The following CALM2 variants were observed in gnomAD, a reference collection of about 807,000 sequenced individuals.
CALM2 encodes the protein calmodulin-2.
A neutral mutation model predicts 19.8 loss-of-function variants in CALM2; 2 were observed. The observed-to-expected ratio is 0.10, with a 90% confidence interval of 0.04 to 0.32. The LOEUF (loss-of-function observed/expected upper bound fraction) is 0.32. CALM2 is among the 10% of genes least tolerant of loss of function. CALM2 has a pLI of 1.00. For missense variants in CALM2, 38 were observed against 178.7 expected (o/e 0.21, Z 4.49); for synonymous variants, 51 against 52.1 (o/e 0.98, Z 0.09).
chr2:47,161,160 CTCTTT>C lies in CALM2; in HGVS notation c.422-361_422-357del, dbSNP rs560575896. Among the ~76,000 whole-genome samples the C allele has an allele frequency of 3.2e-4, 49 of 152,206 alleles. 1 individual carries two copies. In the South Asian group the frequency reaches 9.5e-3, roughly 30 times the overall value. Reference sequence around the variant, plus strand: ...AATTTTTATAACATTACATTTTATGCTCTTTTCTAAGTTAAGTAGTTACATCATGA... The same window carrying C: ...AATTTTTATAACATTACATTTTATGCTCTAAGTTAAGTAGTTACATCATGA... On this transcript the variant is annotated intron_variant, in intron 5 of 5. Coordinates refer to ENST00000272298, the MANE Select transcript of CALM2 (RefSeq NM_001743.6).
chr2:47,162,775 A>T (rs1210252610), intron 2 of CALM2, 113 bp from the exon 3 acceptor site: 4 of 875,594 alleles, frequency 4.6e-6, no homozygotes, highest in Non-Finnish European at 5.1e-6. Context: ...GCCAGTGAAC[A>T]GCCACTGCAC....
intron 2 of CALM2, among the ~76,000 whole-genome samples, chr2:47,169,937 G>C (rs1042503969): frequency 7.1e-6 from 1 of 140,464 alleles, no homozygotes; most frequent in Non-Finnish European, 1.5e-5. Context: ...CAAAGGAATA[G>C]TTTGCAAAGC....
intron 1 of CALM2, among the ~76,000 whole-genome samples, chr2:47,175,686 CCCCCGCCCAT>C (rs1257296171): frequency 6.6e-6 from 1 of 151,008 alleles, no homozygotes; most frequent in Non-Finnish European, 1.5e-5. Context: ...AGGCCCCCCT[CCCCCGCCCAT>C]CCCCGCCAAT....
At chr2:47,162,744 C>G in intron 2 of CALM2, 82 bp from the exon 3 acceptor site, 2 of 1,180,396 alleles carry the variant, frequency 1.7e-6, no homozygotes, top group Non-Finnish European at 1.2e-6. Context: ...ACTCTTAAAG[C>G]CTACTCAGTG....
chr2:47,164,194 C>T (rs1418384246), intron 2 of CALM2, among the ~76,000 whole-genome samples: 31 of 148,086 alleles, frequency 2.1e-4, no homozygotes, highest in Non-Finnish European at 3.7e-4. Context: ...GCTGATATTG[C>T]GCCACTGCAC....
Position 47,160,223 on chromosome 2 carries a change from G to A in CALM2, c.*553C>T, listed in dbSNP as rs1303031863. On this transcript the variant is annotated 3_prime_UTR_variant, in exon 6 of 6. Coordinates refer to ENST00000272298, the MANE Select transcript of CALM2 (RefSeq NM_001743.6). ...ATATACAACTTGGAATGGATTTTGA[G>A]GCAAATTGTGCCATAAGCAGATTTT... 1 of 152,582 alleles carries A rather than the reference G, an allele frequency of 6.6e-6. No homozygotes were observed. The highest frequency in any genetic ancestry group is 1.9e-4 in the East Asian group (1 of 5,192). 9.5% of individuals were successfully genotyped at this position (152,582 alleles called of 1,614,324 possible).
chr2:47,160,920 C>G (rs1687136173), intron 5 of CALM2, 116 bp from the exon 6 acceptor site: 1 of 610,722 alleles, frequency 1.6e-6, no homozygotes, highest in African/African-American at 1.9e-5. Context: ...CCTCTCTTTC[C>G]TCAGAATTAC....
chr2:47,172,518 A>G, intron 1 of CALM2: 2 of 1,202,326 alleles, frequency 1.7e-6, no homozygotes, highest in Non-Finnish European at 1.1e-6. Context: ...CTACAATGTT[A>G]AATATCAACC....
At chr2:47,174,805 C>A (rs1256484100) in intron 1 of CALM2, among the ~76,000 whole-genome samples, 1 of 152,036 alleles carries the variant, frequency 6.6e-6, no homozygotes, top group African/African-American at 2.4e-5. Flanking sequence ...ATGCCTGTAA[C>A]TACATCTTTA....
intron 2 of CALM2, 74 bp downstream of exon 2, chr2:47,170,660 T>C: frequency 9.2e-7 from 1 of 1,089,966 alleles, no homozygotes; most frequent in Admixed American, 1.7e-5. Context: ...TTCATACAAG[T>C]CTCTTATTCT....
At chr2:47,160,850 C>CAAAAAAAAAAAAAAAAAAAAAAAACA in intron 5 of CALM2, 46 bp from the exon 6 acceptor site, 1 of 370,250 alleles carries the variant, frequency 2.7e-6, no homozygotes, top group East Asian at 4.0e-5. Flanking sequence ...AGCAAAAGAC[C>CAAAAAAAAAAAAAAAAAAAAAAAACA]AAAAAAAAAA....
Position 47,160,491 on chromosome 2 carries a change from G to T in CALM2, c.*285C>A. ...ACTTTAAAAAAGGCATAACCCAGATGTTCCCTCATTTGACCAACTCCATCT... is the reference window on the plus strand; with the variant it reads ...ACTTTAAAAAAGGCATAACCCAGATTTTCCCTCATTTGACCAACTCCATCT... On this transcript the variant is annotated 3_prime_UTR_variant, in exon 6 of 6. Coordinates refer to ENST00000272298, the MANE Select transcript of CALM2 (RefSeq NM_001743.6). 1 of 302,104 alleles carries T rather than the reference G, an allele frequency of 3.3e-6. No homozygotes were observed. The highest frequency in any genetic ancestry group is 6.1e-6 in the Non-Finnish European group (1 of 163,264). The allele number at this position is 302,104 out of a possible 1,614,324, so 18.7% of individuals were successfully genotyped here. A position where few individuals can be genotyped will look rare whatever the true frequency, so the allele number is the denominator to read the frequency against.
In CALM2 at chr2:47,170,621, T is replaced by A. The variant is rs866432236; in HGVS notation, c.34+113A>T. 8 of 840,980 alleles carry A rather than the reference T, an allele frequency of 9.5e-6. 1 individual carries two copies. The Middle Eastern group carries it at 1.8e-3, about 190-fold the overall frequency. 52.1% of individuals were successfully genotyped at this position (840,980 alleles called of 1,614,324 possible). On this transcript the variant is annotated intron_variant, in intron 2 of 5. Transcript: ENST00000272298. ...GTATTATATTATACCCATATGTTAG[T>A]ATCCATGACATATACCAAAGTCAAT...
At chr2:47,169,383 C>G (rs1666596731) in intron 2 of CALM2, among the ~76,000 whole-genome samples, 1 of 152,140 alleles carries the variant, frequency 6.6e-6, no homozygotes, top group Non-Finnish European at 1.5e-5. Flanking sequence ...TGGTCTCAAA[C>G]TCCTGGGCTC....
intron 2 of CALM2, chr2:47,163,260 TAA>T (rs1189807997): frequency 2.0e-5 from 3 of 152,432 alleles, no homozygotes; most frequent in South Asian, 2.1e-4. Flanking sequence ...AGGGACTATA[TAA>T]AGAGTCTATA....
intron 2 of CALM2, among the ~76,000 whole-genome samples, chr2:47,164,886 G>T (rs767920619): frequency 6.6e-6 from 1 of 152,046 alleles, no homozygotes; most frequent in Non-Finnish European, 1.5e-5. Flanking sequence ...ACTCCAATTC[G>T]CGTACACCTT....
chr2:47,162,899 C>G, intron 2 of CALM2: 1 of 408,756 alleles, frequency 2.4e-6, no homozygotes, highest in Non-Finnish European at 4.4e-6. Context: ...TAAAGATTAA[C>G]CAATCTTTAT....
chr2:47,164,611 A>G (rs1013737785), intron 2 of CALM2, among the ~76,000 whole-genome samples: 1 of 152,120 alleles, frequency 6.6e-6, no homozygotes, highest in Non-Finnish European at 1.5e-5. Context: ...AAAAAAAAGA[A>G]AGAAAGAAAC....
chr2:47,160,956 T>C, intron 5 of CALM2, 152 bp from the exon 6 acceptor site: 1 of 535,152 alleles, frequency 1.9e-6, no homozygotes, highest in Non-Finnish European at 3.3e-6. Flanking sequence ...GAAGCTAGTT[T>C]ATTGCCCAGG....
Sources: gnomAD v4.1 joint callset for allele counts (sites outside exome capture counted in the v4.1 genomes callset) on GRCh38, gnomAD v4.1.1 for gene constraint, MANE v1.5 for transcripts, NCBI Gene and HGNC (gene_info 2026-07-23, HGNC 2026-07-21) for gene names.